Variants in SI observed in about 807,000 individuals in gnomAD.
SI encodes the protein sucrase-isomaltase.
Under a neutral mutation model 253.3 loss-of-function variants are expected in SI, and 235 were observed. The observed-to-expected ratio is 0.93, with a 90% CI of 0.83 to 1.03. The LOEUF is 1.03. SI is among the 50% of genes least tolerant of loss of function. The pLI is 0.00. For synonymous variants in SI, 819 were observed against 712.0 expected (o/e 1.15, Z -2.39); for missense variants, 2,442 against 2,211.1 (o/e 1.10, Z -2.09).
At chr3:165,067,150 T>C (rs907824872) in intron 6 of SI, among the ~76,000 whole-genome samples, 190 bp downstream of exon 6, 2 of 151,914 alleles carry the variant, frequency 1.3e-5, no homozygotes, top group Non-Finnish European at 2.9e-5. Flanking sequence ...TATTTGTAGA[T>C]TCTAATTTAT....
In SI at chr3:165,074,521, T is replaced by C. The variant is rs745669238; in HGVS notation, c.255+10A>G. The C allele has an allele frequency of 1.3e-6, 2 of 1,583,954 alleles. No individual in the cohort carries two copies. Among genetic ancestry groups the C allele is most frequent in the African/African-American group, 2.7e-5 (2 of 74,356 alleles). ...ATTCATTAAAAATATTAAAGACTTTTGCTGCAGACCTCTGTTGGGAATTGT... is the reference window on the plus strand; with the variant it reads ...ATTCATTAAAAATATTAAAGACTTTCGCTGCAGACCTCTGTTGGGAATTGT... On this transcript the variant is annotated intron_variant, in intron 3 of 47. Coordinates refer to ENST00000264382, the MANE Select transcript of SI (RefSeq NM_001041.4).
intron 31 of SI, 54 bp from the exon 32 acceptor site, chr3:165,016,134 T>A (rs1311234789): frequency 3.1e-5 from 44 of 1,413,356 alleles, no homozygotes; most frequent in Middle Eastern, 3.5e-4. Context: ...ATAGTAAGTG[T>A]ATCATATTTT....
At chr3:164,998,449 A>G in intron 38 of SI, 91 bp downstream of exon 38, 2 of 1,350,498 alleles carry the variant, frequency 1.5e-6, no homozygotes, top group Non-Finnish European at 2.1e-6. Flanking sequence ...CAAAATTCTG[A>G]GGACTTATAA....
chr3:165,008,022 G>A (rs1289860696), intron 35 of SI, 24 bp from the exon 36 acceptor site: 5 of 1,245,710 alleles, frequency 4.0e-6, no homozygotes, highest in Middle Eastern at 1.9e-4. Flanking sequence ...GAAAGAAAAA[G>A]GTAAACAAAA....
chr3:165,016,208 G>A (rs1028655363), intron 31 of SI, 128 bp from the exon 32 acceptor site: 2 of 793,650 alleles, frequency 2.5e-6, no homozygotes, highest in African/African-American at 1.7e-5. Context: ...ATCCTAAAAA[G>A]AATTAAATGG....
intron 17 of SI, among the ~76,000 whole-genome samples, chr3:165,041,356 C>G (rs1245937942): frequency 6.6e-6 from 1 of 151,576 alleles, no homozygotes; most frequent in Non-Finnish European, 1.5e-5. Flanking sequence ...TTTTTTTTTA[C>G]AAAATAGAAT....
chr3:165,042,599 A>T (rs1398489249), intron 17 of SI, among the ~76,000 whole-genome samples: 1 of 152,096 alleles, frequency 6.6e-6, no homozygotes, highest in Non-Finnish European at 1.5e-5. Flanking sequence ...TTTATTATTG[A>T]AAGACGCTGG....
chr3:165,034,935 A>G (rs1477352176), intron 22 of SI, among the ~76,000 whole-genome samples: 1 of 152,010 alleles, frequency 6.6e-6, no homozygotes, highest in East Asian at 1.9e-4. Flanking sequence ...TTATTGCCCT[A>G]AATTAACATG....
At chr3:165,032,165 G>C (rs1712281349) in intron 24 of SI, among the ~76,000 whole-genome samples, 1 of 151,238 alleles carries the variant, frequency 6.6e-6, no homozygotes, top group Admixed American at 6.6e-5. Context: ...GTCTAAAGCA[G>C]CTAAAACATT....
chr3:165,059,934 C>A lies in SI; in HGVS notation c.1114G>T (p.Val372Leu). Residue 372 changes from valine to leucine, a missense_variant, in exon 10 of 48, where the codon GTA (valine) becomes TTA (leucine). By Grantham distance (32) the Val-to-Leu change is conservative. Coordinates refer to ENST00000264382, the MANE Select transcript of SI (RefSeq NM_001041.4). Reference protein sequence around the residue: ...YKSLDVVKEVVRRNREAGIPF... With the variant: ...YKSLDVVKEVLRRNREAGIPF... Reference sequence around the variant, plus strand: ...ATGCCAGCTTCCCGGTTTCTCCTTACCACTTCTTTCACTACATCTAGTGAC... The same window carrying A: ...ATGCCAGCTTCCCGGTTTCTCCTTAACACTTCTTTCACTACATCTAGTGAC... 1 of 1,612,128 alleles carries A rather than the reference C, an allele frequency of 6.2e-7. No homozygotes were observed. The highest frequency in any genetic ancestry group is 8.5e-7 in the Non-Finnish European group (1 of 1,178,650).
At position 164,981,175 on chromosome 3, in the gene SI, G is replaced by A. The variant is rs11920271; in HGVS notation, c.5415+1068C>T. On this transcript the variant is annotated intron_variant, in intron 47 of 47. Coordinates refer to ENST00000264382, the MANE Select transcript of SI (RefSeq NM_001041.4). ...AGGACATTAAATATATCAAAGTTGG[G>A]AAATTTTATTTTATATTTCCTATTC... Among the ~76,000 whole-genome samples, 98 of 152,080 alleles carry A rather than the reference G, an allele frequency of 6.4e-4. 2 individuals carry two copies. The highest frequency in any genetic ancestry group is 2.1e-3 in the African/African-American group (86 of 41,518).
intron 44 of SI, among the ~76,000 whole-genome samples, chr3:164,991,144 A>C (rs1717715025): frequency 6.6e-6 from 1 of 152,150 alleles, no homozygotes. Flanking sequence ...TTGGTGGAAA[A>C]GAAAACCTGA....
intron 31 of SI, among the ~76,000 whole-genome samples, chr3:165,016,463 G>A (rs375136731): frequency 5.3e-5 from 8 of 152,094 alleles, no homozygotes; most frequent in Non-Finnish European, 7.4e-5. Flanking sequence ...TATACAGAAA[G>A]AGATGTTGCT....
chr3:165,059,596 T>A (rs1353043956), intron 10 of SI, among the ~76,000 whole-genome samples: 1 of 152,014 alleles, frequency 6.6e-6, no homozygotes, highest in East Asian at 1.9e-4. Flanking sequence ...TTTCAGAAAA[T>A]TTTTTAAAAA....
At chr3:165,043,015 TG>T in intron 17 of SI, 43 bp downstream of exon 17, 1 of 1,103,206 alleles carries the variant, frequency 9.1e-7, no homozygotes. Context: ...ATAAAAACTA[TG>T]GTTGTTTTTT....
chr3:164,981,421 A>AT (rs1001570358), intron 47 of SI, among the ~76,000 whole-genome samples: 2 of 151,900 alleles, frequency 1.3e-5, no homozygotes, highest in African/African-American at 2.4e-5. Context: ...ATATATATAT[A>AT]TTTTTTTAGG....
chr3:165,006,989 A>G, intron 36 of SI, 35 bp from the exon 37 acceptor site: 2 of 1,438,268 alleles, frequency 1.4e-6, no homozygotes, highest in Middle Eastern at 2.1e-4. Flanking sequence ...TTAATATATT[A>G]TACAGTGCCC....
chr3:165,009,030 A>G (rs1718647949), intron 35 of SI, among the ~76,000 whole-genome samples: 1 of 152,094 alleles, frequency 6.6e-6, no homozygotes, highest in Admixed American at 6.6e-5. Flanking sequence ...GGATTTATTA[A>G]TATATAGAAT....
At chr3:164,985,083 T>C (rs957223279) in intron 45 of SI, among the ~76,000 whole-genome samples, 8 of 152,124 alleles carry the variant, frequency 5.3e-5, no homozygotes, top group Admixed American at 3.9e-4. Flanking sequence ...AGAGAAATAT[T>C]TGGATTATGC....
Sources: gnomAD v4.1 joint callset for allele counts (sites outside exome capture counted in the v4.1 genomes callset) on GRCh38, gnomAD v4.1.1 for gene constraint, MANE v1.5 for transcripts, NCBI Gene and HGNC (gene_info 2026-07-23, HGNC 2026-07-21) for gene names.